STK32B: variants seen among roughly 807,000 people sequenced by gnomAD.
STK32B encodes the protein serine/threonine-protein kinase 32B.
In STK32B, 43 loss-of-function variants were observed where a neutral mutation model predicts 52.6. That is an observed-to-expected ratio of 0.82 (90% confidence interval 0.64 to 1.05). The LOEUF is 1.05. Among genes scored for constraint, STK32B ranks in the 50% least tolerant of loss-of-function variants. The pLI, the probability that STK32B is intolerant of heterozygous loss-of-function variation, is 0.00. For synonymous variants in STK32B, 238 were observed against 204.3 expected (o/e 1.17, Z -1.41); for missense variants, 621 against 534.6 (o/e 1.16, Z -1.59).
chr4:5,246,352 C>T (rs531955644), intron 3 of STK32B, among the ~76,000 whole-genome samples: 2 of 152,290 alleles, frequency 1.3e-5, no homozygotes, highest in African/African-American at 2.4e-5. Flanking sequence ...CCCTTTCTTC[C>T]AGTTGATCGC....
At chr4:5,142,018 A>G (rs761965422) in intron 2 of STK32B, among the ~76,000 whole-genome samples, 13 of 152,054 alleles carry the variant, frequency 8.5e-5, no homozygotes, top group Admixed American at 2.0e-4. Flanking sequence ...ACTGCTTCCT[A>G]CTGAGGGAAG....
the STK32B span, among the ~76,000 whole-genome samples, chr4:5,023,919 C>T: frequency 6.6e-6 from 1 of 152,178 alleles, no homozygotes; most frequent in Non-Finnish European, 1.5e-5. Context: ...CAGAATGAGG[C>T]TATCAGTTTT....
chr4:5,170,480 C>T (rs755885050), intron 3 of STK32B, among the ~76,000 whole-genome samples: 8 of 151,794 alleles, frequency 5.3e-5, no homozygotes. Flanking sequence ...CCACAACAGT[C>T]TCTGGAGTGT....
chr4:5,359,639 G>T (rs1170512370), intron 4 of STK32B, among the ~76,000 whole-genome samples: 2 of 152,208 alleles, frequency 1.3e-5, no homozygotes, highest in Non-Finnish European at 2.9e-5. Context: ...CTGTTTTGCT[G>T]CTGTATTACA....
intron 3 of STK32B, among the ~76,000 whole-genome samples, chr4:5,235,612 G>A (rs1338450667): frequency 6.6e-6 from 1 of 152,048 alleles, no homozygotes; most frequent in East Asian, 1.9e-4. Flanking sequence ...TAAAAAATTG[G>A]GATCCTACTT....
chr4:5,389,941 G>C (rs1378332495), intron 4 of STK32B, among the ~76,000 whole-genome samples: 1 of 152,122 alleles, frequency 6.6e-6, no homozygotes, highest in Non-Finnish European at 1.5e-5. Flanking sequence ...TGCAGGAGCA[G>C]AGGTGGGAGT....
chr4:5,134,376 C>T (rs944842785), intron 1 of STK32B, among the ~76,000 whole-genome samples: 80 of 152,268 alleles, frequency 5.3e-4, no homozygotes, highest in African/African-American at 1.8e-3. Context: ...GAGTGAATTA[C>T]AAAAGCAAGC....
chr4:5,155,823 C>T (rs1717783073), intron 2 of STK32B, among the ~76,000 whole-genome samples: 1 of 152,126 alleles, frequency 6.6e-6, no homozygotes, highest in African/African-American at 2.4e-5. Flanking sequence ...GTCAATTAAA[C>T]CTCTTTTCTT....
At chr4:5,497,607 C>T (rs1262743092) in intron 11 of STK32B, among the ~76,000 whole-genome samples, 2 of 152,202 alleles carry the variant, frequency 1.3e-5, no homozygotes, top group South Asian at 2.1e-4. Flanking sequence ...ATGACCAATT[C>T]GCTGTCTTAT....
intron 3 of STK32B, among the ~76,000 whole-genome samples, chr4:5,264,641 G>T (rs1438918831): frequency 6.7e-6 from 1 of 149,382 alleles, no homozygotes; most frequent in Non-Finnish European, 1.5e-5. Flanking sequence ...AAAAAAAATA[G>T]CCGGGCATGG....
At chr4:5,463,156 A>G (rs1273386831) in intron 9 of STK32B, among the ~76,000 whole-genome samples, 1 of 152,222 alleles carries the variant, frequency 6.6e-6, no homozygotes, top group Non-Finnish European at 1.5e-5. Context: ...CACATTTTGG[A>G]CAGTCCAGAG....
At chr4:5,167,751 T>G (rs1718990293) in intron 2 of STK32B, among the ~76,000 whole-genome samples, 1 of 152,208 alleles carries the variant, frequency 6.6e-6, no homozygotes, top group Non-Finnish European at 1.5e-5. Flanking sequence ...AATGTTGCTC[T>G]GAGGACATTA....
At chr4:5,401,713 G>A (rs1273167629) in intron 5 of STK32B, among the ~76,000 whole-genome samples, 1 of 152,208 alleles carries the variant, frequency 6.6e-6, no homozygotes, top group African/African-American at 2.4e-5. Context: ...ATAAGATCAA[G>A]ACAATGGGGA....
At chr4:5,100,058 C>T (rs537324582) in intron 1 of STK32B, among the ~76,000 whole-genome samples, 14 of 151,856 alleles carry the variant, frequency 9.2e-5, no homozygotes, top group East Asian at 7.7e-4. Flanking sequence ...CCATTTGTAA[C>T]CTCTGAAATG....
intron 2 of STK32B, among the ~76,000 whole-genome samples, chr4:5,157,311 A>AAC (rs1577117240): frequency 6.6e-6 from 1 of 151,198 alleles, no homozygotes; most frequent in Non-Finnish European, 1.5e-5. Context: ...AAAAAAAAAA[A>AAC]AAAAAAAAAG....
chr4:5,411,752 C>T (rs1403521750), intron 5 of STK32B, among the ~76,000 whole-genome samples: 1 of 152,076 alleles, frequency 6.6e-6, no homozygotes, highest in Non-Finnish European at 1.5e-5. Context: ...TAGGAGCCTC[C>T]ACCAAGAACC....
At chr4:5,335,426 C>A (rs1336455173) in intron 4 of STK32B, among the ~76,000 whole-genome samples, 2 of 152,078 alleles carry the variant, frequency 1.3e-5, no homozygotes, top group African/African-American at 4.8e-5. Context: ...TTCAAAAAAA[C>A]CAGCTCCTGG....
At chr4:5,457,856 G>A (rs1716688578) in intron 8 of STK32B, among the ~76,000 whole-genome samples, 1 of 139,338 alleles carries the variant, frequency 7.2e-6, no homozygotes, top group Admixed American at 7.3e-5. Context: ...TGGGCAACAA[G>A]AGCAAAACTC....
At chr4:5,234,450 C>T (rs1334190914) in intron 3 of STK32B, among the ~76,000 whole-genome samples, 1 of 152,190 alleles carries the variant, frequency 6.6e-6, no homozygotes, top group Middle Eastern at 3.2e-3. Flanking sequence ...AGGATGGAGA[C>T]TTGTCTCTCT....
Sources: gnomAD v4.1 joint callset for allele counts (sites outside exome capture counted in the v4.1 genomes callset) on GRCh38, gnomAD v4.1.1 for gene constraint, MANE v1.5 for transcripts, NCBI Gene and HGNC (gene_info 2026-07-23, HGNC 2026-07-21) for gene names.